The following NLRP3 variants were observed in gnomAD, a reference collection of about 807,000 sequenced individuals.
NLRP3 encodes the protein NACHT, LRR and PYD domains-containing protein 3.
In NLRP3, 48 loss-of-function variants were observed where a neutral mutation model predicts 91.3. The observed-to-expected ratio is 0.53, with a 90% CI of 0.42 to 0.67. The LOEUF (loss-of-function observed/expected upper bound fraction) is 0.67, where lower values mean the gene tolerates loss of function less well. Ranked by LOEUF, NLRP3 falls within the 30% of genes least tolerant of loss-of-function variation. The probability of loss-of-function intolerance (pLI) is 0.00; values close to 1 mark genes in which losing one functional copy is unlikely to be tolerated. For synonymous variants in NLRP3, 561 were observed against 507.9 expected (o/e 1.10, Z -1.41); for missense variants, 982 against 1,276.9 (o/e 0.77, Z 3.52).
chr1:247,446,090 C>T (rs1292291244), intron 9 of NLRP3, among the ~76,000 whole-genome samples: 3 of 152,160 alleles, frequency 2.0e-5, no homozygotes, highest in Non-Finnish European at 4.4e-5. Flanking sequence ...CCAAGTTGCT[C>T]GGGCCAAAAC....
Position 247,424,949 on chromosome 1 carries a change from C to A in NLRP3, c.1500C>A (p.Phe500Leu). ...HGLQKADVSA[F>L]LRMNLFQKEV... is the part of the protein sequence containing the mutation. ...TGCAGAAGGCGGATGTGTCTGCTTT[C>A]CTGAGGATGAACCTGTTCCAAAAGG... The change falls in exon 4 of 10, where the codon TTC becomes TTA. Residue 500 changes from phenylalanine to leucine, a missense_variant. Transcript: ENST00000336119. The surrounding 1 kb of genome is among the most constrained non-coding windows in gnomAD (Gnocchi z 8.1). 6.2e-7 allele frequency: 1 copy of A among 1,614,048 alleles called. No homozygotes were observed. The highest frequency in any genetic ancestry group is 8.5e-7 in the Non-Finnish European group (1 of 1,180,024).
Position 247,424,766 on chromosome 1 carries a change from G to A in NLRP3, c.1317G>A (p.Ala439=), listed in dbSNP as rs201976178. Residue 439 remains alanine (A), a synonymous_variant, in exon 4 of 10, where the codon GCG becomes GCA. Transcript: ENST00000336119. This position sits in a 1 kb window ranked among gnomAD's most constrained non-coding sequence, Gnocchi z 8.1. The stretch of plus-strand genomic sequence containing the variant: ...CCCAGACATCCAAGACCACCACCGC[G>A]GTGTACGTCTTCTTCCTTTCCAGTT... ...SLAQTSKTTT[A]VYVFFLSSLL... is the part of the protein sequence containing the mutation. 83 of 1,612,318 alleles carry A rather than the reference G, an allele frequency of 5.1e-5. No individual in the cohort carries two copies. Among genetic ancestry groups the A allele is most frequent in the Non-Finnish European group, 6.4e-5 (75 of 1,180,028 alleles).
chr1:247,433,783 A>T (rs11799687), intron 5 of NLRP3, among the ~76,000 whole-genome samples: 6,007 of 56,506 alleles, frequency 0.11, 158 homozygotes, highest in African/African-American at 0.12. Flanking sequence ...GTCCTGATGC[A>T]TTCTCTATTC....
chr1:247,437,263 T>C (rs1663859095), intron 7 of NLRP3, among the ~76,000 whole-genome samples: 1 of 152,210 alleles, frequency 6.6e-6, no homozygotes, highest in Non-Finnish European at 1.5e-5. Context: ...ACAAATACAA[T>C]AAGCAAATTG....
chr1:247,417,508 T>C (rs72553861), intron 1 of NLRP3, among the ~76,000 whole-genome samples: 18,570 of 152,032 alleles, frequency 0.12, 1,210 homozygotes, highest in East Asian at 0.23. Flanking sequence ...TGAGATGGAG[T>C]TTTGCTCTTA....
chr1:247,445,835 C>T (rs1031588752), intron 9 of NLRP3, among the ~76,000 whole-genome samples: 7 of 151,442 alleles, frequency 4.6e-5, no homozygotes, highest in African/African-American at 1.2e-4. Context: ...AGAGCTTAGT[C>T]GCTGGGCTAA....
At chr1:247,429,981 T>C (rs1459944303) in intron 5 of NLRP3, among the ~76,000 whole-genome samples, 1 of 152,108 alleles carries the variant, frequency 6.6e-6, no homozygotes, top group Non-Finnish European at 1.5e-5. Flanking sequence ...TTCAAGTGAT[T>C]CTCCTGCCTC....
intron 5 of NLRP3, among the ~76,000 whole-genome samples, chr1:247,433,764 G>T (rs569449302): frequency 8.7e-6 from 1 of 114,692 alleles, no homozygotes; most frequent in African/African-American, 3.1e-5. Flanking sequence ...GAGCTCTCTG[G>T]TCAGGTGTGT....
At chr1:247,446,480 T>C (rs1282811451) in intron 9 of NLRP3, among the ~76,000 whole-genome samples, 1 of 152,214 alleles carries the variant, frequency 6.6e-6, no homozygotes, top group East Asian at 1.9e-4. Flanking sequence ...AACCCTTGCT[T>C]ATTCTGCCCC....
intron 5 of NLRP3, among the ~76,000 whole-genome samples, chr1:247,433,449 C>T (rs1663494909): frequency 6.6e-6 from 1 of 152,186 alleles, no homozygotes; most frequent in South Asian, 2.1e-4. Flanking sequence ...ACCAGGAGCG[C>T]ACCATTCACA....
chr1:247,441,133 T>TTCTTTCTTTCTTTCTCTCTCTCTC (rs1558207113), intron 7 of NLRP3, among the ~76,000 whole-genome samples: 1 of 21,960 alleles, frequency 4.6e-5, no homozygotes, highest in Non-Finnish European at 1.2e-4. Context: ...CTTTTTCTCT[T>TTCTTTCTTTCTTTCTCTCTCTCTC]TCTTTCTTTC....
intron 7 of NLRP3, among the ~76,000 whole-genome samples, chr1:247,440,968 T>A (rs746445468): frequency 2.0e-5 from 3 of 152,146 alleles, no homozygotes; most frequent in Non-Finnish European, 2.9e-5. Context: ...AACATTCCCA[T>A]CTTGAGGTTG....
intron 9 of NLRP3, 141 bp downstream of exon 9, chr1:247,444,962 T>G (rs1664497274): frequency 1.3e-6 from 1 of 790,962 alleles, no homozygotes; most frequent in African/African-American, 1.7e-5. Context: ...GTGGTGGATA[T>G]TTTAAAATAG....
At chr1:247,436,857 T>G (rs1663824016) in intron 7 of NLRP3, among the ~76,000 whole-genome samples, 1 of 152,240 alleles carries the variant, frequency 6.6e-6, no homozygotes, top group Non-Finnish European at 1.5e-5. Flanking sequence ...CTGTACCACT[T>G]TCCTGTATCA....
Position 247,425,065 on chromosome 1 carries a change from A to G in NLRP3, c.1616A>G (p.Glu539Gly). The change falls in exon 4 of 10, where the codon GAA becomes GGA. Residue 539 changes from glutamate to glycine, a missense_variant. Coordinates refer to ENST00000336119, the MANE Select transcript of NLRP3 (RefSeq NM_001243133.2). This position sits in a 1 kb window ranked among gnomAD's most constrained non-coding sequence, Gnocchi z 4.1. ...AMYYLLEEEKEGRTNVPGSRL... is the reference protein window; with the variant it reads ...AMYYLLEEEKGGRTNVPGSRL... ...TACTACCTGCTGGAAGAGGAAAAGG[A>G]AGGAAGGACGAACGTTCCAGGGAGT... The G allele has an allele frequency of 6.2e-7, 1 of 1,614,168 alleles. No homozygotes were observed. Among genetic ancestry groups the G allele is most frequent in the Non-Finnish European group, 8.5e-7 (1 of 1,180,010 alleles).
chr1:247,448,328 G>T, intron 9 of NLRP3, 77 bp from the exon 10 acceptor site: 3 of 687,956 alleles, frequency 4.4e-6, no homozygotes, highest in Non-Finnish European at 8.1e-6. Context: ...GAAATGAAGA[G>T]ATGAGACTTT....
intron 5 of NLRP3, among the ~76,000 whole-genome samples, chr1:247,431,212 A>AAT (rs547689900): frequency 0.018 from 2,728 of 150,470 alleles, 85 homozygotes; most frequent in African/African-American, 0.062. Flanking sequence ...ATAATAATAA[A>AAT]AAATGTGCTT....
chr1:247,441,320 C>G (rs917087101), intron 7 of NLRP3, among the ~76,000 whole-genome samples: 2 of 151,098 alleles, frequency 1.3e-5, no homozygotes, highest in African/African-American at 4.9e-5. Context: ...CTCACTGTAG[C>G]CTTGAACTCT....
chr1:247,442,179 C>T (rs10157377), intron 7 of NLRP3, among the ~76,000 whole-genome samples: 151,945 of 152,390 alleles, frequency 1, 75,752 homozygotes, highest in Middle Eastern at 1. Flanking sequence ...TTCAGTTTGA[C>T]TCTTCCTTAA....
Sources: gnomAD v4.1 joint callset for allele counts (sites outside exome capture counted in the v4.1 genomes callset) on GRCh38, gnomAD v4.1.1 for gene constraint, Gnocchi (gnomAD v3.1) non-coding constraint, MANE v1.5 for transcripts, NCBI Gene and HGNC (gene_info 2026-07-23, HGNC 2026-07-21) for gene names.